Variants in PEPD observed in about 807,000 individuals in gnomAD.
PEPD encodes the protein xaa-Pro dipeptidase.
A neutral mutation model predicts 60.7 loss-of-function variants in PEPD; 53 were observed. The ratio of observed to expected loss-of-function variants is 0.87; its 90% CI spans 0.70 to 1.10. The LOEUF is 1.10. Among genes scored for constraint, PEPD ranks in the 50% least tolerant of loss-of-function variants. PEPD has a pLI of 0.00. For synonymous variants in PEPD, 267 were observed against 284.1 expected (o/e 0.94, Z 0.60); for missense variants, 711 against 711.9 (o/e 1.00, Z 0.01).
chr19:33,507,512 G>A (rs1970835952), intron 3 of PEPD, among the ~76,000 whole-genome samples: 1 of 152,182 alleles, frequency 6.6e-6, no homozygotes, highest in Non-Finnish European at 1.5e-5. Context: ...CGTTTCCACA[G>A]GAAGCGGCAG....
intron 3 of PEPD, among the ~76,000 whole-genome samples, chr19:33,506,697 AAC>A (rs1970819779): frequency 1.4e-5 from 2 of 139,684 alleles, no homozygotes; most frequent in Non-Finnish European, 3.1e-5. Context: ...ACCCACACAC[AAC>A]ACAGCACACA....
Position 33,521,762 on chromosome 19 carries a change from T to A in PEPD, c.-2A>T, listed in dbSNP as rs1392535879. 33 of 1,577,848 alleles carry A rather than the reference T, an allele frequency of 2.1e-5. No individual in the cohort carries two copies. The highest frequency in any genetic ancestry group is 2.6e-5 in the Non-Finnish European group (30 of 1,167,190). ...CACTCACCCGGTGGCCGCCGCCATG[T>A]TCGCCCGGCACCGGCGTCACGTGAA... On this transcript the variant is annotated 5_prime_UTR_variant, in exon 1 of 15. Transcript: ENST00000244137.
chr19:33,414,382 G>A (rs895633571), intron 9 of PEPD, among the ~76,000 whole-genome samples: 4 of 152,218 alleles, frequency 2.6e-5, no homozygotes, highest in African/African-American at 4.8e-5. Context: ...CTAGGATGGC[G>A]GATGGTAGCA....
chr19:33,422,818 A>ATATCTAATCTATCTATC (rs1555756361), intron 9 of PEPD, among the ~76,000 whole-genome samples: 1 of 131,090 alleles, frequency 7.6e-6, no homozygotes, highest in Admixed American at 7.4e-5. Flanking sequence ...CCATCCTTCT[A>ATATCTAATCTATCTATC]TATCTATCTA....
chr19:33,504,792 G>A (rs1380309853), intron 3 of PEPD, among the ~76,000 whole-genome samples: 1 of 151,972 alleles, frequency 6.6e-6, no homozygotes, highest in East Asian at 1.9e-4. Flanking sequence ...TTACTGGACT[G>A]GGGAGGATGG....
At chr19:33,406,874 G>A (rs974118222) in intron 11 of PEPD, among the ~76,000 whole-genome samples, 3 of 151,990 alleles carry the variant, frequency 2.0e-5, no homozygotes, top group Non-Finnish European at 4.4e-5. Context: ...AGAGGGCACT[G>A]GTGGCTGCTG....
intron 9 of PEPD, among the ~76,000 whole-genome samples, chr19:33,425,630 T>C (rs577453023): frequency 5.7e-4 from 87 of 152,290 alleles, no homozygotes; most frequent in South Asian, 3.7e-3. Flanking sequence ...AATGGCAAAT[T>C]AGATTGGGTT....
At chr19:33,408,602 T>A (rs1968694606) in intron 11 of PEPD, among the ~76,000 whole-genome samples, 1 of 152,176 alleles carries the variant, frequency 6.6e-6, no homozygotes, top group Non-Finnish European at 1.5e-5. Context: ...CTGGACCAGC[T>A]CTGATTCCCC....
chr19:33,404,763 T>C (rs1336496417), intron 11 of PEPD, among the ~76,000 whole-genome samples: 1 of 152,092 alleles, frequency 6.6e-6, no homozygotes, highest in Non-Finnish European at 1.5e-5. Flanking sequence ...GAGGCTCGGG[T>C]ATGGAGCTGA....
At chr19:33,414,245 C>T (rs547404814) in intron 9 of PEPD, among the ~76,000 whole-genome samples, 16 of 152,314 alleles carry the variant, frequency 1.1e-4, no homozygotes, top group Admixed American at 5.2e-4. Context: ...CTCCTTGGAA[C>T]GAGCTGCCTG....
rs558769164 is a variant in PEPD at position 33,428,402 on chromosome 19, A to G, written c.672-14759T>C. On this transcript the variant is annotated intron_variant, in intron 9 of 14. Coordinates refer to ENST00000244137, the MANE Select transcript of PEPD (RefSeq NM_000285.4). ...GCACCTTCTATCGGACACCTTCCAC[A>G]CTGACCCTCAACCACCTGCCAGTCT... Among the ~76,000 whole-genome samples, 4 of 152,128 alleles carry G rather than the reference A, an allele frequency of 2.6e-5. No individual in the cohort carries two copies. The South Asian group carries it at 8.3e-4, about 32-fold the overall frequency.
At chr19:33,447,944 G>A (rs1289433177) in intron 9 of PEPD, among the ~76,000 whole-genome samples, 1 of 152,214 alleles carries the variant, frequency 6.6e-6, no homozygotes, top group Non-Finnish European at 1.5e-5. Context: ...GGAACACAGA[G>A]CCTGCTGTCG....
chr19:33,521,083 C>T (rs778340012), intron 1 of PEPD, among the ~76,000 whole-genome samples: 7 of 152,242 alleles, frequency 4.6e-5, no homozygotes, highest in Non-Finnish European at 1.0e-4. Flanking sequence ...TCCACCCTTC[C>T]TCCCACTACG....
intron 9 of PEPD, among the ~76,000 whole-genome samples, chr19:33,418,602 G>A (rs746009406): frequency 2.6e-5 from 4 of 152,230 alleles, no homozygotes; most frequent in Non-Finnish European, 5.9e-5. Context: ...CCTACCCTTG[G>A]AATCGCCGCC....
intron 3 of PEPD, among the ~76,000 whole-genome samples, chr19:33,504,105 A>G (rs1970758619): frequency 6.6e-6 from 1 of 152,196 alleles, no homozygotes; most frequent in African/African-American, 2.4e-5. Context: ...TTCTCTTTTA[A>G]AGGGCAGAGA....
intron 7 of PEPD, among the ~76,000 whole-genome samples, chr19:33,466,778 AATT>A (rs1436972481): frequency 6.6e-6 from 1 of 151,524 alleles, no homozygotes; most frequent in Non-Finnish European, 1.5e-5. Flanking sequence ...AAGAAATAAA[AATT>A]TTTTTCTAAT....
At chr19:33,473,968 C>T (rs1378210649) in intron 7 of PEPD, among the ~76,000 whole-genome samples, 2 of 152,204 alleles carry the variant, frequency 1.3e-5, no homozygotes, top group African/African-American at 4.8e-5. Context: ...AATGAGAAAG[C>T]GAGTTTGCCT....
At chr19:33,439,906 T>TG (rs1474882921) in intron 9 of PEPD, among the ~76,000 whole-genome samples, 2 of 152,280 alleles carry the variant, frequency 1.3e-5, no homozygotes, top group South Asian at 2.1e-4. Flanking sequence ...TTTGTAGAGA[T>TG]GGGGTCTTCC....
chr19:33,480,522 C>A, intron 6 of PEPD, among the ~76,000 whole-genome samples: 1 of 152,308 alleles, frequency 6.6e-6, no homozygotes, highest in African/African-American at 2.4e-5. Context: ...TGAACAAAAA[C>A]GCGGTGGCTC....
Sources: gnomAD v4.1 joint callset for allele counts (sites outside exome capture counted in the v4.1 genomes callset) on GRCh38, gnomAD v4.1.1 for gene constraint, MANE v1.5 for transcripts, NCBI Gene and HGNC (gene_info 2026-07-23, HGNC 2026-07-21) for gene names.